Variants in PRKCB observed in about 807,000 individuals in gnomAD.
PRKCB encodes protein kinase C beta type.
A neutral mutation model predicts 81.5 loss-of-function variants in PRKCB; 13 were observed. The observed-to-expected ratio is 0.16, with a 90% CI of 0.10 to 0.25. PRKCB has a LOEUF of 0.25. Among genes scored for constraint, PRKCB ranks in the 10% least tolerant of loss-of-function variants. The pLI, the probability that PRKCB is intolerant of heterozygous loss-of-function variation, is 1.00. For missense variants in PRKCB, 509 were observed against 875.7 expected (o/e 0.58, Z 5.29); for synonymous variants, 335 against 321.4 (o/e 1.04, Z -0.45).
chr16:23,913,693 G>A (rs1317634782), intron 2 of PRKCB, among the ~76,000 whole-genome samples: 2 of 152,184 alleles, frequency 1.3e-5, no homozygotes, highest in African/African-American at 4.8e-5. Context: ...CTCCATTTCT[G>A]GGGAAGGAAG....
At chr16:24,046,559 C>T (rs1965768104) in intron 5 of PRKCB, among the ~76,000 whole-genome samples, 1 of 152,114 alleles carries the variant, frequency 6.6e-6, no homozygotes, top group Admixed American at 6.5e-5. Context: ...CAGGAGGGAG[C>T]CAGCTTGCTG....
intron 2 of PRKCB, among the ~76,000 whole-genome samples, chr16:23,956,680 T>G (rs562596595): frequency 6.6e-6 from 1 of 152,332 alleles, no homozygotes; most frequent in South Asian, 2.1e-4. Flanking sequence ...CGAAAGTGCC[T>G]CTTAGAAAAT....
intron 7 of PRKCB, among the ~76,000 whole-genome samples, chr16:24,104,316 C>A (rs892551180): frequency 6.6e-6 from 1 of 152,242 alleles, no homozygotes; most frequent in South Asian, 2.1e-4. Context: ...GCAGCTAATG[C>A]GTTTTCTCTA....
chr16:24,183,402 T>C (rs1484534643), intron 13 of PRKCB, among the ~76,000 whole-genome samples: 1 of 152,240 alleles, frequency 6.6e-6, no homozygotes, highest in Admixed American at 6.5e-5. Context: ...TGTTATTAAC[T>C]ATGGTTACTG....
intron 3 of PRKCB, among the ~76,000 whole-genome samples, chr16:24,015,267 C>T (rs1311762117): frequency 3.3e-5 from 5 of 152,202 alleles, no homozygotes; most frequent in African/African-American, 1.2e-4. Flanking sequence ...GCTCTTCTCT[C>T]CATTTTACAG....
At chr16:24,071,468 A>G (rs1292314516) in intron 5 of PRKCB, among the ~76,000 whole-genome samples, 1 of 150,726 alleles carries the variant, frequency 6.6e-6, no homozygotes, top group Non-Finnish European at 1.5e-5. Context: ...AAAAAGACAA[A>G]CAGGACTGGG....
At chr16:23,860,368 AT>A (rs1962645841) in intron 2 of PRKCB, among the ~76,000 whole-genome samples, 1 of 152,116 alleles carries the variant, frequency 6.6e-6, no homozygotes, top group African/African-American at 2.4e-5. Context: ...AAGATAGAGA[AT>A]TATGCGTTGG....
chr16:24,069,934 C>G (rs1160015732), intron 5 of PRKCB, among the ~76,000 whole-genome samples: 1 of 152,158 alleles, frequency 6.6e-6, no homozygotes, highest in Admixed American at 6.5e-5. Flanking sequence ...CATGGCCATT[C>G]CTTCCTTCCT....
At chr16:23,838,385 A>G (rs1567285131) in intron 2 of PRKCB, among the ~76,000 whole-genome samples, 1 of 152,168 alleles carries the variant, frequency 6.6e-6, no homozygotes, top group Non-Finnish European at 1.5e-5. Context: ...GGAACACTTC[A>G]CCCATTTCTG....
At chr16:24,091,633 C>T (rs12925041) in intron 5 of PRKCB, among the ~76,000 whole-genome samples, 8,332 of 151,586 alleles carry the variant, frequency 0.055, 664 homozygotes, top group African/African-American at 0.17. Context: ...TTTTTTTTGA[C>T]GGAGTCTCAC....
intron 2 of PRKCB, among the ~76,000 whole-genome samples, chr16:23,965,215 G>C (rs62029565): frequency 0.31 from 47,053 of 152,092 alleles, 7,637 homozygotes; most frequent in East Asian, 0.49. Context: ...CTGATGTTTA[G>C]CTCCCACTTA....
intron 2 of PRKCB, among the ~76,000 whole-genome samples, chr16:23,969,133 G>C (rs1964525222): frequency 6.6e-6 from 1 of 152,170 alleles, no homozygotes; most frequent in South Asian, 2.1e-4. Context: ...TCGCGCCACT[G>C]CACTCCAGCC....
rs1396340135 is a variant in PRKCB at position 24,035,465 on chromosome 16, C to T, written c.447C>T (p.Ser149=). ...VHKRCVMNVP[S]LCGTDHTERR... is the part of the protein sequence containing the mutation. Reference sequence around the variant, plus strand: ...AGCGCTGCGTGATGAATGTTCCCAGCCTGTGTGGCACGGACCACACGGAGC... The same window carrying T: ...AGCGCTGCGTGATGAATGTTCCCAGTCTGTGTGGCACGGACCACACGGAGC... Residue 149 remains serine, a synonymous_variant, in exon 5 of 17, where the codon AGC becomes AGT. Transcript: ENST00000643927. 15 of 1,614,078 alleles carry T rather than the reference C, an allele frequency of 9.3e-6. No homozygotes were observed. The highest frequency in any genetic ancestry group is 1.3e-5 in the African/African-American group (1 of 74,944).
chr16:24,113,485 C>G (rs1320962373), intron 8 of PRKCB, among the ~76,000 whole-genome samples: 1 of 146,076 alleles, frequency 6.8e-6, no homozygotes, highest in African/African-American at 2.6e-5. Context: ...TCCTTTCTTC[C>G]TTCCTTCCTT....
chr16:23,915,689 CAAA>C (rs71154259), intron 2 of PRKCB, among the ~76,000 whole-genome samples: 4 of 54,546 alleles, frequency 7.3e-5, no homozygotes, highest in African/African-American at 7.6e-5. Context: ...GACTCTCTAT[CAAA>C]AAAAAAAAAA....
intron 3 of PRKCB, among the ~76,000 whole-genome samples, chr16:24,028,380 C>A (rs1246268732): frequency 6.6e-6 from 1 of 152,216 alleles, no homozygotes; most frequent in Non-Finnish European, 1.5e-5. Context: ...TGAGCCACTG[C>A]TCCAGGCCAC....
chr16:24,023,663 C>T (rs984501461), intron 3 of PRKCB, among the ~76,000 whole-genome samples: 8 of 152,088 alleles, frequency 5.3e-5, no homozygotes, highest in East Asian at 3.9e-4. Flanking sequence ...CCACCGCACC[C>T]GGCCAGGCAG....
rs570332743 is a variant in PRKCB, at chr16:24,113,159, C to T, written c.918+90C>T. The T allele has an allele frequency of 1.4e-5, 13 of 922,642 alleles. No individual in the cohort carries two copies. In the East Asian group the frequency reaches 3.7e-4, roughly 26 times the overall value. The allele number at this position is 922,642 out of a possible 1,614,324, so 57.2% of individuals were successfully genotyped here. A position where few individuals can be genotyped will look rare whatever the true frequency, so the allele number is the denominator to read the frequency against. On this transcript the variant is annotated intron_variant, in intron 8 of 16. Transcript: ENST00000643927. ...CTCCCTCCTCTTTCTTTCTCTTTCT[C>T]TCTTATTCTTTTTTCTCTCCTTCCT...
chr16:23,974,082 G>A (rs1007574945), intron 2 of PRKCB, among the ~76,000 whole-genome samples: 2 of 152,270 alleles, frequency 1.3e-5, no homozygotes, highest in South Asian at 2.1e-4. Context: ...AGGGCAGGGG[G>A]CTGGTTTTGG....
Sources: allele counts gnomAD v4.1 joint callset (sites outside exome capture counted in the v4.1 genomes callset), GRCh38; gene constraint gnomAD v4.1.1; transcripts MANE v1.5; gene names NCBI Gene and HGNC (gene_info 2026-07-23, HGNC 2026-07-21).